Variants in FAT3 observed in about 807,000 individuals in gnomAD.
The protein encoded by FAT3 is FAT atypical cadherin 3, also known as protocadherin Fat 3.
A neutral mutation model predicts 310.2 loss-of-function variants in FAT3; 95 were observed. The observed-to-expected ratio is 0.31, with a 90% CI of 0.26 to 0.36. The LOEUF is 0.36. Among genes scored for constraint, FAT3 ranks in the 10% least tolerant of loss-of-function variants. The probability of loss-of-function intolerance (pLI) is 1.00; values close to 1 mark genes in which losing one functional copy is unlikely to be tolerated. For missense variants in FAT3, 5,408 were observed against 5,715.6 expected, an observed-to-expected ratio of 0.95 and a Z score of 1.74; for synonymous variants, 2,314 against 2,192.9, an observed-to-expected ratio of 1.06 and a Z score of -1.54.
At chr11:92,739,803 T>C (rs561687301) in intron 4 of FAT3, among the ~76,000 whole-genome samples, 16 of 152,250 alleles carry the variant, frequency 1.1e-4, no homozygotes, top group African/African-American at 3.9e-4. Flanking sequence ...TTGGGAATAT[T>C]TCTCCCAAAA....
intron 3 of FAT3, among the ~76,000 whole-genome samples, chr11:92,585,220 A>C (rs1157039826): frequency 6.6e-6 from 1 of 152,064 alleles, no homozygotes; most frequent in Admixed American, 6.6e-5. Flanking sequence ...TGGATATGAT[A>C]ATAAGTTTCA....
chr11:92,290,510 ACTTTGGGAGG>A (rs1946662565), intron 1 of FAT3, among the ~76,000 whole-genome samples: 1 of 152,084 alleles, frequency 6.6e-6, no homozygotes, highest in Admixed American at 6.6e-5. Flanking sequence ...TAATCCCAAA[ACTTTGGGAGG>A]CTGAGGCAGG....
At chr11:92,309,013 A>G (rs1455812530) in intron 1 of FAT3, among the ~76,000 whole-genome samples, 1 of 152,092 alleles carries the variant, frequency 6.6e-6, no homozygotes, top group Non-Finnish European at 1.5e-5. Context: ...GCTTTCTAGT[A>G]AGGAGGGGAA....
chr11:92,678,460 A>G (rs963431375), intron 3 of FAT3, among the ~76,000 whole-genome samples: 5 of 152,014 alleles, frequency 3.3e-5, no homozygotes, highest in African/African-American at 7.2e-5. Context: ...ATTAGCATCA[A>G]TCCATGCATG....
At chr11:92,551,259 C>T (rs557533135) in intron 3 of FAT3, among the ~76,000 whole-genome samples, 5 of 152,178 alleles carry the variant, frequency 3.3e-5, no homozygotes, top group Middle Eastern at 3.4e-3. Flanking sequence ...AACTTGCATT[C>T]TCTAGGGCTT....
chr11:92,461,637 C>T (rs1257669260), intron 2 of FAT3, among the ~76,000 whole-genome samples: 1 of 152,004 alleles, frequency 6.6e-6, no homozygotes, highest in Non-Finnish European at 1.5e-5. Context: ...AAGTAGAGGA[C>T]ACTGTGTGAA....
At chr11:92,524,582 T>C in intron 2 of FAT3, 52 bp from the exon 3 acceptor site, 1 of 1,541,530 alleles carries the variant, frequency 6.5e-7, no homozygotes, top group Non-Finnish European at 8.8e-7. Flanking sequence ...AGATTATTTA[T>C]TTAATGTCTT....
chr11:92,336,298 A>C (rs546771098), intron 1 of FAT3: 6 of 482,622 alleles, frequency 1.2e-5, no homozygotes, highest in Non-Finnish European at 2.4e-5. Context: ...TTCTTCTCAT[A>C]GAAGTTTTTG....
In FAT3 at chr11:92,800,438, G is replaced by A. The variant is rs1470985627; in HGVS notation, c.7425G>A (p.Leu2475=). 6.2e-7 allele frequency: 1 copy of A among 1,614,008 alleles called. No homozygotes were observed. ...YSLNVSVSDG[L]FTSTAQVHIR... is the part of the protein sequence containing the mutation. The stretch of plus-strand genomic sequence containing the variant: ...TCAATGTGTCTGTCTCTGATGGGTT[G>A]TTCACCAGCACTGCACAGGTGCATA... Residue 2475 remains leucine, a synonymous_variant, in exon 10 of 28, where the codon TTG becomes TTA. Coordinates refer to ENST00000525166, the MANE Select transcript of FAT3 (RefSeq NM_001367949.2).
At chr11:92,657,113 A>G (rs1942608692) in intron 3 of FAT3, among the ~76,000 whole-genome samples, 2 of 152,138 alleles carry the variant, frequency 1.3e-5, no homozygotes, top group African/African-American at 4.8e-5. Flanking sequence ...GGAAAGTCAC[A>G]TTGGTAAGCA....
intron 18 of FAT3, among the ~76,000 whole-genome samples, chr11:92,843,122 A>C (rs1206281132): frequency 6.6e-6 from 1 of 152,042 alleles, no homozygotes; most frequent in Non-Finnish European, 1.5e-5. Context: ...GACAGAGACA[A>C]GATTCAAACT....
intron 2 of FAT3, among the ~76,000 whole-genome samples, chr11:92,368,562 A>G (rs1194506642): frequency 1.3e-5 from 2 of 152,162 alleles, no homozygotes; most frequent in African/African-American, 4.8e-5. Context: ...GTATGCAAGA[A>G]CCACATCTTC....
intron 13 of FAT3, among the ~76,000 whole-genome samples, chr11:92,825,014 G>A (rs1196297103): frequency 1.3e-5 from 2 of 152,004 alleles, no homozygotes. Flanking sequence ...CATCTATTTA[G>A]CAGAAGCTTT....
At chr11:92,783,108 C>T (rs1181544633) in intron 7 of FAT3, among the ~76,000 whole-genome samples, 1 of 151,892 alleles carries the variant, frequency 6.6e-6, no homozygotes, top group Admixed American at 6.6e-5. Context: ...GCCTGTAATC[C>T]CAACACTTAG....
At chr11:92,780,502 C>T (rs757189799) in intron 7 of FAT3, among the ~76,000 whole-genome samples, 8 of 152,040 alleles carry the variant, frequency 5.3e-5, no homozygotes, top group Non-Finnish European at 1.0e-4. Context: ...AGAAAAATAA[C>T]GTACTACTGT....
In FAT3 at chr11:92,524,772, A is replaced by G; in HGVS notation, c.3431A>G (p.Asn1144Ser). ...ATTGAAGTTGAAGATGTGAATGACA[A>G]TGCCCCGCTGACCTCAGAACCTATA... The part of the protein sequence containing the change: ...VYIEVEDVND[N>S]APLTSEPIYY... Residue 1144 changes from asparagine (N) to serine (S), a missense_variant, in exon 3 of 28, where the codon AAT (asparagine) becomes AGT (serine). Coordinates refer to ENST00000525166, the MANE Select transcript of FAT3 (RefSeq NM_001367949.2). 6.2e-7 allele frequency: 1 copy of G among 1,613,784 alleles called. No individual in the cohort carries two copies. The highest frequency in any genetic ancestry group is 1.1e-5 in the South Asian group (1 of 91,056).
chr11:92,520,197 C>G (rs187993487), intron 2 of FAT3, among the ~76,000 whole-genome samples: 35 of 152,156 alleles, frequency 2.3e-4, no homozygotes, highest in African/African-American at 7.9e-4. Flanking sequence ...TAACATGGAT[C>G]AATCTCAAAA....
At chr11:92,372,332 G>A (rs1054335351) in intron 2 of FAT3, among the ~76,000 whole-genome samples, 2 of 151,644 alleles carry the variant, frequency 1.3e-5, no homozygotes, top group Admixed American at 6.6e-5. Context: ...GTGAACAGTC[G>A]ATGTTTAGGT....
intron 3 of FAT3, among the ~76,000 whole-genome samples, chr11:92,588,722 A>T (rs1323806168): frequency 6.7e-6 from 1 of 148,440 alleles, no homozygotes; most frequent in Non-Finnish European, 1.5e-5. Context: ...TTGGGTGGAG[A>T]GAAGGTAGCC....
Sources: allele counts gnomAD v4.1 joint callset (sites outside exome capture counted in the v4.1 genomes callset), GRCh38; gene constraint gnomAD v4.1.1; transcripts MANE v1.5; gene names NCBI Gene and HGNC (gene_info 2026-07-23, HGNC 2026-07-21).